The following ENO2 variants were observed in gnomAD, a reference collection of about 807,000 sequenced individuals.
ENO2 encodes enolase 2, also known as gamma-enolase.
A neutral mutation model predicts 48.7 loss-of-function variants in ENO2; 19 were observed. That is an observed-to-expected ratio of 0.39 (90% CI 0.27 to 0.57). The LOEUF is 0.57. Ranked by LOEUF, ENO2 falls within the 20% of genes least tolerant of loss-of-function variation. The pLI is 0.58. For synonymous variants in ENO2, 198 were observed against 213.4 expected (o/e 0.93, Z 0.63); for missense variants, 416 against 555.0 (o/e 0.75, Z 2.52).
rs1372885341 is a variant in ENO2 at position 6,914,905 on chromosome 12, C to T, written c.-13+246C>T. Reference sequence around the variant, plus strand: ...TCTCCACCCTTGCCTGCCTCTCTCCCGGTGCTCGCCCTCATCTACGGTTCT... The same window carrying T: ...TCTCCACCCTTGCCTGCCTCTCTCCTGGTGCTCGCCCTCATCTACGGTTCT... On this transcript the variant is annotated intron_variant, in intron 1 of 11. Coordinates refer to ENST00000229277, the MANE Select transcript of ENO2 (RefSeq NM_001975.3). This position sits in a 1 kb window ranked among gnomAD's most constrained non-coding sequence, Gnocchi z 7.1. Among the ~76,000 whole-genome samples, 2 of 152,194 alleles carry T rather than the reference C, an allele frequency of 1.3e-5. No homozygotes were observed. The highest frequency in any genetic ancestry group is 6.5e-5 in the Admixed American group (1 of 15,282).
intron 8 of ENO2, among the ~76,000 whole-genome samples, chr12:6,920,760 A>G (rs1248306955): frequency 2.8e-5 from 3 of 107,064 alleles, no homozygotes; most frequent in Non-Finnish European, 5.3e-5. Flanking sequence ...GGGTTTAGCC[A>G]TGTTGCTCAT....
At position 6,916,742 on chromosome 12, in the gene ENO2, C is replaced by T; in HGVS notation, c.240+13C>T. 1.9e-6 allele frequency: 3 copies of T among 1,614,092 alleles called. No homozygotes were observed. Among genetic ancestry groups the T allele is most frequent in the Non-Finnish European group, 2.5e-6 (3 of 1,179,982 alleles). On this transcript the variant is annotated intron_variant, in intron 4 of 11. Transcript: ENST00000229277. The surrounding 1 kb of genome is among the most constrained non-coding windows in gnomAD (Gnocchi z 4.5). ...CCTCATCAGCTCAGTGAGGCCTGCT[C>T]TTTGCTGGGGATAGCAGGGCCAGAG...
intron 5 of ENO2, chr12:6,917,323 G>C (rs1945300867): frequency 2.8e-6 from 2 of 710,338 alleles, no homozygotes; most frequent in South Asian, 3.8e-5. Flanking sequence ...ACAGAGGAGG[G>C]GGATGGCCTG....
chr12:6,914,758 T>A lies in ENO2; in HGVS notation c.-13+99T>A, dbSNP rs1555141379. On this transcript the variant is annotated intron_variant, in intron 1 of 11. Coordinates refer to ENST00000229277, the MANE Select transcript of ENO2 (RefSeq NM_001975.3). This position sits in a 1 kb window ranked among gnomAD's most constrained non-coding sequence, Gnocchi z 7.1. ...GTGCCGCTGCGCACCTCTCCGCATC[T>A]CTGGCCCGGTGCAGCTGCGCACCTG... 6.5e-6 allele frequency: 1 copy of A among 153,126 alleles called. No individual in the cohort carries two copies. Among genetic ancestry groups the A allele is most frequent in the Non-Finnish European group, 1.5e-5 (1 of 68,572 alleles). 9.5% of individuals were successfully genotyped at this position (153,126 alleles called of 1,614,324 possible).
Position 6,916,182 on chromosome 12 carries a change from A to G in ENO2, c.86-235A>G, listed in dbSNP as rs781816304. Among the ~76,000 whole-genome samples the G allele has an allele frequency of 1.1e-4, 15 of 133,234 alleles. 1 individual carries two copies. In the South Asian group the frequency reaches 3.5e-3, roughly 31 times the overall value. The allele number at this position is 133,234 out of a possible 152,430, so 87.4% of individuals were successfully genotyped here. A position where few individuals can be genotyped will look rare whatever the true frequency, so the allele number is the denominator to read the frequency against. ...TGTGTGCAGACGTGTGCTGCAAGCA[A>G]TTTTCTTTCTGCGGGCTCCCACTTG... On this transcript the variant is annotated intron_variant, in intron 2 of 11. Transcript: ENST00000229277. This position sits in a 1 kb window ranked among gnomAD's most constrained non-coding sequence, Gnocchi z 4.5.
Position 6,916,426 on chromosome 12 carries a change from G to A in ENO2, c.95G>A (p.Arg32Gln), listed in dbSNP as rs367934778. Residue 32 changes from arginine to glutamine, a missense_variant, in exon 3 of 12, where the codon CGG (arginine) becomes CAG (glutamine). Physicochemically the swap from Arg to Gln is conservative, Grantham distance 43. Transcript: ENST00000229277. This position sits in a 1 kb window ranked among gnomAD's most constrained non-coding sequence, Gnocchi z 4.5. ...CATGTTCCTCCTTTAGGTCTTTTCC[G>A]GGCTGCAGTGCCCAGTGGAGCCTCT... ...VDLYTAKGLF[R>Q]AAVPSGASTG... 31 of 1,613,382 alleles carry A rather than the reference G, an allele frequency of 1.9e-5. No homozygotes were observed. Among genetic ancestry groups the A allele is most frequent in the East Asian group, 1.1e-4 (5 of 44,884 alleles).
intron 5 of ENO2, 29 bp from the exon 6 acceptor site, chr12:6,917,552 G>T (rs782394611): frequency 3.1e-6 from 5 of 1,602,012 alleles, no homozygotes; most frequent in Admixed American, 1.7e-5. Flanking sequence ...GGGACATTGT[G>T]CTCAGCACCT....
chr12:6,916,591 C>G lies in ENO2; in HGVS notation c.181+79C>G. ...CCTCACACCAGTCCCCAGTCCTCCT[C>G]TAGCATGGCTTCCCCTCCTCCCATT... is the stretch of plus-strand genomic sequence containing the variant. On this transcript the variant is annotated intron_variant, in intron 3 of 11. Coordinates refer to ENST00000229277, the MANE Select transcript of ENO2 (RefSeq NM_001975.3). This position sits in a 1 kb window ranked among gnomAD's most constrained non-coding sequence, Gnocchi z 4.5. 6.2e-7 allele frequency: 1 copy of G among 1,611,218 alleles called. No individual in the cohort carries two copies. Among genetic ancestry groups the G allele is most frequent in the South Asian group, 1.1e-5 (1 of 90,928 alleles).
chr12:6,915,747 C>G, intron 1 of ENO2, 74 bp from the exon 2 acceptor site: 1 of 1,019,804 alleles, frequency 9.8e-7, no homozygotes, highest in Non-Finnish European at 1.4e-6. Flanking sequence ...CAGCCTCCCG[C>G]CCCGCCCATT....
rs781919330 is a variant in ENO2, at chr12:6,922,665, C to T, written c.1236-66C>T. 1.3e-6 allele frequency: 2 copies of T among 1,590,814 alleles called. No homozygotes were observed. Among genetic ancestry groups the T allele is most frequent in the African/African-American group, 2.7e-5 (2 of 74,482 alleles). ...TGGGGGTGGTTGGAGTCTGGGGGAC[C>T]CCTAGAGAGAGAAGCAGGATCCTCC... is the stretch of plus-strand genomic sequence containing the variant. On this transcript the variant is annotated intron_variant, in intron 11 of 11. Coordinates refer to ENST00000229277, the MANE Select transcript of ENO2 (RefSeq NM_001975.3). The surrounding 1 kb of genome is among the most constrained non-coding windows in gnomAD (Gnocchi z 5.3).
rs781995250 is a variant in ENO2, at chr12:6,916,545, C to G, written c.181+33C>G. The G allele has an allele frequency of 7.4e-6, 12 of 1,613,006 alleles. No homozygotes were observed. The highest frequency in any genetic ancestry group is 1.7e-4 in the Middle Eastern group (1 of 5,994). ...CCCTTCTCTTTTCCAGACTCTCCCC[C>G]ACCTCAGCCTTATGCCCCTACCTCA... On this transcript the variant is annotated intron_variant, in intron 3 of 11. Coordinates refer to ENST00000229277, the MANE Select transcript of ENO2 (RefSeq NM_001975.3). The surrounding 1 kb of genome is among the most constrained non-coding windows in gnomAD (Gnocchi z 4.5).
At chr12:6,915,405 C>T in intron 1 of ENO2, 1 of 202,824 alleles carries the variant, frequency 4.9e-6, no homozygotes. Flanking sequence ...GAAGAGAGGC[C>T]CAGGCAGCCC....
Position 6,919,716 on chromosome 12 carries a change from G to A in ENO2, c.818G>A (p.Gly273Glu). ...ACTGATCCTTCCCGATACATCACTG[G>A]GGACCAGCTGGGGGCACTCTACCAG... ...SPTDPSRYIT[G>E]DQLGALYQDF... The change falls in exon 8 of 12, where the codon GGG (glycine) becomes GAG (glutamate). Residue 273 changes from glycine to glutamate, a missense_variant. Gly to Glu is a moderately conservative substitution (Grantham distance 98). Transcript: ENST00000229277. 6.2e-7 allele frequency: 1 copy of A among 1,613,986 alleles called. No homozygotes were observed.
In ENO2 at chr12:6,921,710, T is replaced by C. The variant is rs782354316; in HGVS notation, c.995T>C (p.Val332Ala). 2 of 1,614,022 alleles carry C rather than the reference T, an allele frequency of 1.2e-6. No homozygotes were observed. Among genetic ancestry groups the C allele is most frequent in the African/African-American group, 1.3e-5 (1 of 74,904 alleles). ...VTNPKRIERA[V>A]EEKACNCLLL... Reference sequence around the variant, plus strand: ...AACCCAAAACGTATTGAGCGGGCAGTGGAAGAAAAGGCCTGCAACTGTCTG... The same window carrying C: ...AACCCAAAACGTATTGAGCGGGCAGCGGAAGAAAAGGCCTGCAACTGTCTG... Residue 332 changes from valine to alanine, a missense_variant, in exon 9 of 12, where the codon GTG becomes GCG. By Grantham distance (64) the Val-to-Ala change is moderately conservative (BLOSUM62 0). Coordinates refer to ENST00000229277, the MANE Select transcript of ENO2 (RefSeq NM_001975.3).
rs781851933 is a variant in ENO2 at position 6,917,050 on chromosome 12, G to T, written c.253G>T (p.Val85Leu). 1 of 1,614,188 alleles carries T rather than the reference G, an allele frequency of 6.2e-7. No homozygotes were observed. Among genetic ancestry groups the T allele is most frequent in the Non-Finnish European group, 8.5e-7 (1 of 1,180,034 alleles). The change falls in exon 5 of 12, where the codon GTG becomes TTG. Residue 85 changes from valine to leucine, a missense_variant. Physicochemically the swap from Val to Leu is conservative, Grantham distance 32 (BLOSUM62 1). Coordinates refer to ENST00000229277, the MANE Select transcript of ENO2 (RefSeq NM_001975.3). ...GCTCTGCCCTCAGGGTCTCTCTGTG[G>T]TGGAGCAAGAGAAACTGGACAACCT... Reference protein sequence around the residue: ...PALISSGLSVVEQEKLDNLML... With the variant: ...PALISSGLSVLEQEKLDNLML...
intron 5 of ENO2, 40 bp downstream of exon 5, chr12:6,917,147 G>A (rs782575715): frequency 1.2e-6 from 2 of 1,611,966 alleles, no homozygotes; most frequent in Non-Finnish European, 1.7e-6. Flanking sequence ...GCGTCAGGGT[G>A]GGGAGGCGTG....
chr12:6,917,733 T>C lies in ENO2; in HGVS notation c.444+19T>C, dbSNP rs782339215. On this transcript the variant is annotated intron_variant, in intron 6 of 11. Coordinates refer to ENST00000229277, the MANE Select transcript of ENO2 (RefSeq NM_001975.3). ...TGTGCCGGTGAGCAATAAGCCAGCC[T>C]GCGGCTCTCCCAGGGGCGGGTGGGG... 2.4e-5 allele frequency: 36 copies of C among 1,501,260 alleles called. No homozygotes were observed. The African/African-American group carries it at 5.0e-4, about 21-fold the overall frequency. 93.0% of individuals were successfully genotyped at this position (1,501,260 alleles called of 1,614,324 possible).
rs1945348799 is a variant in ENO2, at chr12:6,922,399, T to C, written c.1232T>C (p.Met411Thr). 5 of 1,614,122 alleles carry C rather than the reference T, an allele frequency of 3.1e-6. No homozygotes were observed. The highest frequency in any genetic ancestry group is 4.2e-6 in the Non-Finnish European group (5 of 1,180,006). Reference sequence around the variant, plus strand: ...CGTCTGGCTAAATACAACCAGCTCATGAGGTGAGGGTCCCTGGGGTGGGAG... The same window carrying C: ...CGTCTGGCTAAATACAACCAGCTCACGAGGTGAGGGTCCCTGGGGTGGGAG... Reference protein sequence around the residue: ...SERLAKYNQLMRIEEELGDEA... With the variant: ...SERLAKYNQLTRIEEELGDEA... The change falls in exon 11 of 12, where the codon ATG becomes ACG. Residue 411 changes from methionine (M) to threonine (T), a missense_variant. Physicochemically the swap from Met to Thr is moderately conservative, Grantham distance 81. Coordinates refer to ENST00000229277, the MANE Select transcript of ENO2 (RefSeq NM_001975.3). The surrounding 1 kb of genome is among the most constrained non-coding windows in gnomAD (Gnocchi z 5.3).
intron 8 of ENO2, 38 bp from the exon 9 acceptor site, chr12:6,921,543 T>G (rs1945340786): frequency 6.2e-7 from 1 of 1,607,134 alleles, no homozygotes; most frequent in Non-Finnish European, 8.5e-7. Flanking sequence ...CCAGGGAAGA[T>G]GAACACCTCC....
Sources: gnomAD v4.1 joint callset for allele counts (sites outside exome capture counted in the v4.1 genomes callset) on GRCh38, gnomAD v4.1.1 for gene constraint, Gnocchi (gnomAD v3.1) non-coding constraint, MANE v1.5 for transcripts, NCBI Gene and HGNC (gene_info 2026-07-23, HGNC 2026-07-21) for gene names.